Variants in ROBO1 observed in about 807,000 individuals in gnomAD.
ROBO1 encodes roundabout homolog 1.
ROBO1 carries 149 observed loss-of-function variants against 195.9 expected under a neutral mutation model. The observed-to-expected ratio is 0.76, with a 90% CI of 0.67 to 0.87. The LOEUF (loss-of-function observed/expected upper bound fraction) is 0.87, where lower values mean the gene tolerates loss of function less well. Ranked by LOEUF, ROBO1 falls within the 40% of genes least tolerant of loss-of-function variation. The pLI is 0.00. For synonymous variants in ROBO1, 816 were observed against 733.2 expected (o/e 1.11, Z -1.82); for missense variants, 1,933 against 2,068.3 (o/e 0.93, Z 1.27).
intron 2 of ROBO1, among the ~76,000 whole-genome samples, chr3:79,256,112 T>A (rs1006407573): frequency 1.3e-5 from 2 of 152,222 alleles, no homozygotes; most frequent in African/African-American, 4.8e-5. Context: ...ACTGGCTTTT[T>A]CCTTTTGACT....
At chr3:79,255,757 A>C (rs866155839) in intron 2 of ROBO1, among the ~76,000 whole-genome samples, 42 of 152,248 alleles carry the variant, frequency 2.8e-4, no homozygotes, top group African/African-American at 9.6e-4. Context: ...AATAATGTCA[A>C]ATATTAATCA....
At chr3:79,384,346 AT>A (rs1434534446) in intron 2 of ROBO1, among the ~76,000 whole-genome samples, 3 of 151,974 alleles carry the variant, frequency 2.0e-5, no homozygotes, top group Admixed American at 6.6e-5. Context: ...GCTTTCTGCA[AT>A]TTTTTGTCTT....
At chr3:78,656,939 C>G (rs1413847172) in intron 18 of ROBO1, among the ~76,000 whole-genome samples, 159 bp downstream of exon 18, 1 of 151,922 alleles carries the variant, frequency 6.6e-6, no homozygotes, top group Non-Finnish European at 1.5e-5. Context: ...TTTCTCTCTC[C>G]TACATATTAA....
chr3:79,370,635 TTA>T (rs200362374), intron 2 of ROBO1, among the ~76,000 whole-genome samples: 1 of 150,462 alleles, frequency 6.6e-6, no homozygotes, highest in Non-Finnish European at 1.5e-5. Flanking sequence ...ATGATGTAAG[TTA>T]TATATATATA....
chr3:79,334,133 C>T (rs984699520), intron 2 of ROBO1, among the ~76,000 whole-genome samples: 2 of 151,354 alleles, frequency 1.3e-5, no homozygotes, highest in Admixed American at 6.6e-5. Context: ...GGGTGAACCC[C>T]GTCTCTACTA....
At chr3:79,745,132 T>A (rs1703818571) in intron 1 of ROBO1, among the ~76,000 whole-genome samples, 4 of 152,148 alleles carry the variant, frequency 2.6e-5, no homozygotes, top group Admixed American at 2.6e-4. Context: ...ACAGCTTACA[T>A]CCATTAACCT....
chr3:79,451,374 T>C (rs1559909200), intron 2 of ROBO1, among the ~76,000 whole-genome samples: 1 of 152,060 alleles, frequency 6.6e-6, no homozygotes, highest in Non-Finnish European at 1.5e-5. Context: ...GAACAAGAGA[T>C]ACTACTTAAC....
chr3:78,711,297 C>CTCTT (rs373370454), intron 8 of ROBO1, among the ~76,000 whole-genome samples: 10,954 of 140,404 alleles, frequency 0.078, 1,019 homozygotes, highest in African/African-American at 0.2. Flanking sequence ...TTCTTTCTTT[C>CTCTT]TCTTTCTTTC....
At chr3:79,001,162 C>T (rs1002185949) in intron 3 of ROBO1, among the ~76,000 whole-genome samples, 6 of 151,992 alleles carry the variant, frequency 3.9e-5, no homozygotes, top group Non-Finnish European at 8.8e-5. Context: ...AGGACAAATA[C>T]CTAATGCATG....
intron 4 of ROBO1, among the ~76,000 whole-genome samples, chr3:78,776,357 T>C (rs1009582992): frequency 2.6e-5 from 4 of 152,206 alleles, no homozygotes; most frequent in African/African-American, 9.6e-5. Context: ...GTTCAAGTGA[T>C]TCTCCTGCCT....
In ROBO1 at chr3:78,714,387, C is replaced by T; in HGVS notation, c.1045+10G>A. ...AAAACCACCAAAACAAAGCCTTTCC[C>T]AATGCCTACCTTGAACAGTCAGAGT... On this transcript the variant is annotated intron_variant, in intron 8 of 30. Coordinates refer to ENST00000464233, the MANE Select transcript of ROBO1 (RefSeq NM_002941.4). 1 of 1,603,888 alleles carries T rather than the reference C, an allele frequency of 6.2e-7. No individual in the cohort carries two copies. Among genetic ancestry groups the T allele is most frequent in the Non-Finnish European group, 8.5e-7 (1 of 1,176,566 alleles).
intron 7 of ROBO1, 51 bp downstream of exon 7, chr3:78,717,224 A>G: frequency 6.6e-7 from 1 of 1,507,290 alleles, no homozygotes; most frequent in Non-Finnish European, 8.9e-7. Flanking sequence ...TGTGATGAGA[A>G]ACGTAGAAAT....
chr3:79,014,381 G>T (rs1294892636), intron 3 of ROBO1, among the ~76,000 whole-genome samples: 2 of 152,160 alleles, frequency 1.3e-5, no homozygotes, highest in Non-Finnish European at 2.9e-5. Context: ...GCTGAGGCAG[G>T]AGAATCACGT....
intron 3 of ROBO1, among the ~76,000 whole-genome samples, chr3:79,100,127 G>A (rs1439453338): frequency 2.0e-5 from 3 of 151,754 alleles, no homozygotes; most frequent in Non-Finnish European, 4.4e-5. Context: ...TTGAGGAATG[G>A]CCACTACAGT....
At chr3:79,624,994 A>G (rs1456875315) in intron 1 of ROBO1, among the ~76,000 whole-genome samples, 3 of 152,162 alleles carry the variant, frequency 2.0e-5, no homozygotes, top group African/African-American at 7.2e-5. Context: ...ATTATAACAA[A>G]CAGTCTCTCA....
At chr3:79,488,991 C>T (rs183426231) in intron 2 of ROBO1, among the ~76,000 whole-genome samples, 23 of 151,814 alleles carry the variant, frequency 1.5e-4, no homozygotes, top group Admixed American at 1.5e-3. Flanking sequence ...TAGACAATAA[C>T]AAAAAACAAA....
intron 4 of ROBO1, among the ~76,000 whole-genome samples, chr3:78,871,305 G>C (rs1047865963): frequency 3.9e-5 from 6 of 152,104 alleles, no homozygotes; most frequent in Admixed American, 6.5e-5. Flanking sequence ...GAAGGTCTGT[G>C]GTTTTTCATG....
intron 2 of ROBO1, among the ~76,000 whole-genome samples, chr3:79,236,114 T>C (rs2082402533): frequency 6.6e-6 from 1 of 152,182 alleles, no homozygotes; most frequent in Non-Finnish European, 1.5e-5. Flanking sequence ...ACGTATTCAA[T>C]GCTAGATCCT....
At chr3:78,984,517 G>A (rs942052031) in intron 3 of ROBO1, among the ~76,000 whole-genome samples, 28 of 152,110 alleles carry the variant, frequency 1.8e-4, no homozygotes, top group African/African-American at 5.3e-4. Flanking sequence ...AAAATGAAGC[G>A]AAAAATGTTA....
Sources: allele counts gnomAD v4.1 joint callset (sites outside exome capture counted in the v4.1 genomes callset), GRCh38; gene constraint gnomAD v4.1.1; transcripts MANE v1.5; gene names NCBI Gene and HGNC (gene_info 2026-07-23, HGNC 2026-07-21).